TBC1D20: variants seen among roughly 807,000 people sequenced by gnomAD.
TBC1D20 encodes chromosome 20 open reading frame 140.
TBC1D20 carries 12 observed loss-of-function variants against 41.6 expected under a neutral mutation model. The ratio of observed to expected loss-of-function variants is 0.29; its 90% confidence interval spans 0.18 to 0.47. The LOEUF (loss-of-function observed/expected upper bound fraction) is 0.47. TBC1D20 is among the 20% of genes least tolerant of loss of function. The pLI, the probability that TBC1D20 is intolerant of heterozygous loss-of-function variation, is 1.00. For synonymous variants in TBC1D20, 205 were observed against 204.8 expected, an observed-to-expected ratio of 1.00 and a Z score of -0.01; for missense variants, 421 against 517.4, an observed-to-expected ratio of 0.81 and a Z score of 1.81.
Position 439,076 on chromosome 20 carries a change from C to T in TBC1D20, c.956+32G>A. The T allele has an allele frequency of 6.3e-7, 1 of 1,585,816 alleles. No individual in the cohort carries two copies. The highest frequency in any genetic ancestry group is 8.6e-7 in the Non-Finnish European group (1 of 1,165,582). On this transcript the variant is annotated intron_variant, in intron 7 of 7. Coordinates refer to ENST00000354200, the MANE Select transcript of TBC1D20 (RefSeq NM_144628.4). This position sits in a 1 kb window ranked among gnomAD's most constrained non-coding sequence, Gnocchi z 4.6. ...CTCGCTTCTGCTCATTTACAGCCAC[C>T]CCCATTCAACCAGTGTCCCAGCCTT... is the stretch of plus-strand genomic sequence containing the variant.
intron 1 of TBC1D20, among the ~76,000 whole-genome samples, chr20:456,364 CATCCG>C (rs2017540118): frequency 6.9e-6 from 1 of 145,112 alleles, no homozygotes; most frequent in South Asian, 2.2e-4. Flanking sequence ...TTCATCCATT[CATCCG>C]CCTGCCCATT....
At chr20:441,297 T>G in intron 5 of TBC1D20, 1 of 324,514 alleles carries the variant, frequency 3.1e-6, no homozygotes. Context: ...GACTTTGTGT[T>G]TCTCTTGTGG....
In TBC1D20 at chr20:436,251, G is replaced by A. The variant is rs1319084683; in HGVS notation, c.*2335C>T. 1 of 152,248 alleles carries A rather than the reference G, an allele frequency of 6.6e-6. No homozygotes were observed. Among genetic ancestry groups the A allele is most frequent in the Non-Finnish European group, 1.5e-5 (1 of 68,080 alleles). 9.4% of individuals were successfully genotyped at this position (152,248 alleles called of 1,614,324 possible). ...AGATCAGAGACCATTCCCACTGAGC[G>A]GTGGCCAAGGACGGAATGACAGAAG... On this transcript the variant is annotated 3_prime_UTR_variant, in exon 8 of 8. Coordinates refer to ENST00000354200, the MANE Select transcript of TBC1D20 (RefSeq NM_144628.4).
At chr20:444,629 T>C (rs1012103444) in intron 3 of TBC1D20, among the ~76,000 whole-genome samples, 6 of 152,198 alleles carry the variant, frequency 3.9e-5, no homozygotes, top group Non-Finnish European at 8.8e-5. Flanking sequence ...AATATACTCT[T>C]ACACAAACAG....
intron 1 of TBC1D20, among the ~76,000 whole-genome samples, chr20:453,534 T>C (rs2017487767): frequency 8.2e-6 from 1 of 121,472 alleles, no homozygotes; most frequent in African/African-American, 3.3e-5. Flanking sequence ...GTGCCTGTAA[T>C]CCAGCATTTT....
In TBC1D20 at chr20:437,222, C is replaced by A. The variant is rs1270027930; in HGVS notation, c.*1364G>T. On this transcript the variant is annotated 3_prime_UTR_variant, in exon 8 of 8. Transcript: ENST00000354200. ...CGTGGGACACCCTCCACCCTGCACA[C>A]AACAGGCATGCAAAGAGGACTGGAT... 1 of 152,632 alleles carries A rather than the reference C, an allele frequency of 6.6e-6. No homozygotes were observed. Among genetic ancestry groups the A allele is most frequent in the African/African-American group, 2.4e-5 (1 of 41,422 alleles). 9.5% of individuals were successfully genotyped at this position (152,632 alleles called of 1,614,324 possible).
intron 1 of TBC1D20, among the ~76,000 whole-genome samples, chr20:451,073 T>A (rs1036385584): frequency 4.6e-5 from 7 of 152,168 alleles, no homozygotes; most frequent in Non-Finnish European, 8.8e-5. Flanking sequence ...CAGTAGACTA[T>A]AATTGTCAAA....
intron 1 of TBC1D20, among the ~76,000 whole-genome samples, chr20:458,319 T>C (rs1194862286): frequency 6.6e-6 from 1 of 150,744 alleles, no homozygotes; most frequent in Admixed American, 6.6e-5. Flanking sequence ...TTCCAATTTT[T>C]TTTTTTTTTT....
chr20:453,153 CAAAAAAAAAAAAAAAAAAAAAAA>C (rs71191943), intron 1 of TBC1D20, among the ~76,000 whole-genome samples: 2 of 44,838 alleles, frequency 4.5e-5, no homozygotes, highest in African/African-American at 8.6e-5. Flanking sequence ...AACTCCGTTT[CAAAAAAAAAAAAAAAAAAAAAAA>C]AAAAAAAAAA....
intron 1 of TBC1D20, among the ~76,000 whole-genome samples, chr20:459,838 C>T (rs930268361): frequency 1.3e-5 from 2 of 152,058 alleles, no homozygotes; most frequent in Non-Finnish European, 2.9e-5. Flanking sequence ...ATAAAGATGA[C>T]ACAACCCACT....
At position 445,221 on chromosome 20, in the gene TBC1D20, G is replaced by A. The variant is rs6052047; in HGVS notation, c.257-91C>T. On this transcript the variant is annotated intron_variant, in intron 2 of 7. Transcript: ENST00000354200. The stretch of plus-strand genomic sequence containing the variant: ...TGGGATGACACAAAAGGCCTAGAGG[G>A]CACATGTCAGCTTCTCCTGAAGAGG... 0.053 allele frequency: 45,291 copies of A among 852,032 alleles called. 1,501 individuals carry two copies. Among genetic ancestry groups the A allele is most frequent in the African/African-American group, 0.11 (6,583 of 59,524 alleles). 52.8% of individuals were successfully genotyped at this position (852,032 alleles called of 1,614,324 possible).
intron 1 of TBC1D20, among the ~76,000 whole-genome samples, chr20:451,876 C>T (rs1185666926): frequency 6.6e-6 from 1 of 152,142 alleles, no homozygotes; most frequent in Non-Finnish European, 1.5e-5. Context: ...TGAGCCTCAC[C>T]ACTTGATTAG....
chr20:446,636 C>T (rs893105874), intron 2 of TBC1D20, among the ~76,000 whole-genome samples: 10 of 152,002 alleles, frequency 6.6e-5, no homozygotes, highest in African/African-American at 1.5e-4. Context: ...CCACTGTGCC[C>T]GGACAAAAGA....
intron 1 of TBC1D20, among the ~76,000 whole-genome samples, chr20:451,198 T>C (rs2017435608): frequency 6.6e-6 from 1 of 152,148 alleles, no homozygotes; most frequent in African/African-American, 2.4e-5. Flanking sequence ...TCTCTTGACA[T>C]GCTTAATTGT....
In TBC1D20 at chr20:454,046, T is replaced by C. The variant is rs1399985224; in HGVS notation, c.71-5972A>G. Among the ~76,000 whole-genome samples the C allele has an allele frequency of 3.4e-5, 5 of 147,574 alleles. 1 individual carries two copies. Among genetic ancestry groups the C allele is most frequent in the Non-Finnish European group, 7.5e-5 (5 of 66,984 alleles). ...ATGAGGTCAGGAGATCGAGACCATC[T>C]TGGCTAACACGGTGAAACCCTGTCT... On this transcript the variant is annotated intron_variant, in intron 1 of 7. Transcript: ENST00000354200.
chr20:438,645 C>T lies in TBC1D20; in HGVS notation c.1153G>A (p.Ala385Thr). 1.2e-6 allele frequency: 2 copies of T among 1,614,222 alleles called. No homozygotes were observed. The highest frequency in any genetic ancestry group is 1.3e-5 in the African/African-American group (1 of 75,056). Residue 385 changes from alanine (A) to threonine (T), a missense_variant, in exon 8 of 8, where the codon GCT (alanine) becomes ACT (threonine). By Grantham distance (58) the Ala-to-Thr change is moderately conservative. Around this residue, in one of 3 missense-constraint regions of TBC1D20, gnomAD observed 161 missense variants for 182.7 expected, o/e 0.88. Transcript: ENST00000354200. ...LTVALGAAAL[A>T]VVKSALEWAP... ...CATTCCAGGGCACTTTTCACCACAG[C>T]CAGTGCAGCCGCTCCAAGTGCCACT... is the stretch of plus-strand genomic sequence containing the variant.
At chr20:459,944 G>T (rs138969784) in intron 1 of TBC1D20, among the ~76,000 whole-genome samples, 27 of 152,246 alleles carry the variant, frequency 1.8e-4, no homozygotes, top group African/African-American at 6.3e-4. Flanking sequence ...CCTGGATTAG[G>T]GCACTTAATA....
chr20:461,879 T>G (rs2017636792), intron 1 of TBC1D20, among the ~76,000 whole-genome samples: 1 of 152,230 alleles, frequency 6.6e-6, no homozygotes, highest in African/African-American at 2.4e-5. Flanking sequence ...GTGTGGTAAT[T>G]ACATCGGCGG....
chr20:462,288 C>T (rs1406538740), intron 1 of TBC1D20, 48 bp downstream of exon 1: 2 of 1,231,198 alleles, frequency 1.6e-6, no homozygotes, highest in South Asian at 4.9e-5. Flanking sequence ...CCCTGCCCCC[C>T]GGGCCGCCCT....
Sources: gnomAD v4.1 joint callset for allele counts (sites outside exome capture counted in the v4.1 genomes callset) on GRCh38, gnomAD v4.1.1 for gene constraint, gnomAD v4.1.1 regional missense constraint, Gnocchi (gnomAD v3.1) non-coding constraint, MANE v1.5 for transcripts, NCBI Gene and HGNC (gene_info 2026-07-23, HGNC 2026-07-21) for gene names.